Variants in ST6GALNAC3 observed in about 807,000 individuals in gnomAD.
ST6GALNAC3 encodes alpha-N-acetylgalactosaminide alpha-2,6-sialyltransferase 3.
In ST6GALNAC3, 25 loss-of-function variants were observed where a neutral mutation model predicts 32.7. The observed-to-expected ratio is 0.76, with a 90% CI of 0.56 to 1.07. The LOEUF (loss-of-function observed/expected upper bound fraction) is 1.07, where lower values mean the gene tolerates loss of function less well. ST6GALNAC3 is among the 50% of genes least tolerant of loss of function. The pLI, the probability that ST6GALNAC3 is intolerant of heterozygous loss-of-function variation, is 0.00. For missense variants in ST6GALNAC3, 355 were observed against 382.4 expected (o/e 0.93, Z 0.60); for synonymous variants, 129 against 133.1 (o/e 0.97, Z 0.21).
chr1:76,382,624 T>C (rs1331301853), intron 2 of ST6GALNAC3, among the ~76,000 whole-genome samples: 1 of 152,332 alleles, frequency 6.6e-6, no homozygotes, highest in African/African-American at 2.4e-5. Flanking sequence ...AGACCACTTC[T>C]GGTGCTGGTC....
intron 1 of ST6GALNAC3, among the ~76,000 whole-genome samples, chr1:76,106,464 G>A (rs1430875336): frequency 2.0e-5 from 3 of 152,130 alleles, no homozygotes; most frequent in Non-Finnish European, 2.9e-5. Context: ...CTTTGAGCTC[G>A]CTGAGGCAGT....
intron 2 of ST6GALNAC3, among the ~76,000 whole-genome samples, chr1:76,346,686 T>C (rs1221703352): frequency 6.6e-5 from 10 of 152,102 alleles, no homozygotes; most frequent in Non-Finnish European, 1.3e-4. Context: ...ATTCCTACGG[T>C]GCCACTACTT....
chr1:76,338,390 G>A (rs1212593222), intron 2 of ST6GALNAC3, among the ~76,000 whole-genome samples: 1 of 152,138 alleles, frequency 6.6e-6, no homozygotes, highest in African/African-American at 2.4e-5. Flanking sequence ...AGAATCCTGT[G>A]TTATAAATGA....
chr1:76,522,373 A>G (rs1662600050), intron 3 of ST6GALNAC3, among the ~76,000 whole-genome samples: 1 of 152,052 alleles, frequency 6.6e-6, no homozygotes, highest in African/African-American at 2.4e-5. Context: ...ATCTCTTCAA[A>G]TATAGTTTCT....
At chr1:76,137,307 G>A (rs1417805072) in intron 1 of ST6GALNAC3, among the ~76,000 whole-genome samples, 6 of 152,198 alleles carry the variant, frequency 3.9e-5, no homozygotes, top group Admixed American at 1.3e-4. Flanking sequence ...GCTGTTAGCC[G>A]TGCTATGGAT....
At chr1:76,248,708 C>T (rs1296230439) in intron 1 of ST6GALNAC3, among the ~76,000 whole-genome samples, 1 of 152,128 alleles carries the variant, frequency 6.6e-6, no homozygotes, top group African/African-American at 2.4e-5. Flanking sequence ...TGTCTTCTCT[C>T]CTTTTCCTTC....
intron 3 of ST6GALNAC3, among the ~76,000 whole-genome samples, chr1:76,483,755 G>A (rs1347331167): frequency 1.3e-5 from 2 of 152,132 alleles, no homozygotes; most frequent in Non-Finnish European, 2.9e-5. Flanking sequence ...TTTGGCTTTT[G>A]TTGCCATTGC....
intron 3 of ST6GALNAC3, among the ~76,000 whole-genome samples, chr1:76,546,265 G>C (rs911007229): frequency 6.6e-5 from 10 of 152,162 alleles, no homozygotes; most frequent in African/African-American, 2.2e-4. Flanking sequence ...TATTTGGAAG[G>C]TTGAGTATAT....
intron 3 of ST6GALNAC3, among the ~76,000 whole-genome samples, chr1:76,464,347 T>C (rs1008692007): frequency 6.6e-6 from 1 of 152,184 alleles, no homozygotes; most frequent in African/African-American, 2.4e-5. Context: ...CTCTATGAAA[T>C]TGATACTTGG....
intron 3 of ST6GALNAC3, among the ~76,000 whole-genome samples, chr1:76,545,174 A>G (rs1313777206): frequency 6.6e-6 from 1 of 152,162 alleles, no homozygotes; most frequent in East Asian, 1.9e-4. Flanking sequence ...ACACATCTGG[A>G]GATTCTGAAT....
intron 1 of ST6GALNAC3, among the ~76,000 whole-genome samples, chr1:76,232,255 C>A (rs764099806): frequency 5.3e-5 from 8 of 152,194 alleles, no homozygotes; most frequent in Non-Finnish European, 8.8e-5. Context: ...AGGAAGTATA[C>A]TTTTCCAGAG....
intron 1 of ST6GALNAC3, among the ~76,000 whole-genome samples, chr1:76,168,926 T>C (rs921364471): frequency 6.6e-6 from 1 of 152,172 alleles, no homozygotes; most frequent in Non-Finnish European, 1.5e-5. Context: ...TCAGTGTCTT[T>C]TACCTGGGGC....
At chr1:76,210,475 C>T (rs1414109604) in intron 1 of ST6GALNAC3, among the ~76,000 whole-genome samples, 1 of 152,146 alleles carries the variant, frequency 6.6e-6, no homozygotes, top group Non-Finnish European at 1.5e-5. Flanking sequence ...TATCTATTTG[C>T]CTGGACACCT....
chr1:76,322,747 C>T (rs1323164387), intron 2 of ST6GALNAC3, among the ~76,000 whole-genome samples: 1 of 145,164 alleles, frequency 6.9e-6, no homozygotes, highest in Non-Finnish European at 1.5e-5. Context: ...TCCACCACTG[C>T]CCCCCACCCC....
At chr1:76,294,916 C>T (rs1299932078) in intron 1 of ST6GALNAC3, among the ~76,000 whole-genome samples, 1 of 151,900 alleles carries the variant, frequency 6.6e-6, no homozygotes. Flanking sequence ...TTCAAATTTC[C>T]ATAATTTGTG....
chr1:76,383,772 G>T (rs927894340), intron 2 of ST6GALNAC3, among the ~76,000 whole-genome samples: 4 of 152,150 alleles, frequency 2.6e-5, no homozygotes, highest in African/African-American at 9.7e-5. Flanking sequence ...CAGGAGCAGG[G>T]TAAACTATTA....
intron 3 of ST6GALNAC3, among the ~76,000 whole-genome samples, chr1:76,552,244 G>A (rs1041196037): frequency 5.9e-5 from 9 of 152,106 alleles, no homozygotes; most frequent in Non-Finnish European, 1.3e-4. Flanking sequence ...ACTCTCTCAC[G>A]GCTAGGATTG....
chr1:76,365,788 CCT>C (rs1276111889), intron 2 of ST6GALNAC3, among the ~76,000 whole-genome samples: 1 of 152,094 alleles, frequency 6.6e-6, no homozygotes, highest in Non-Finnish European at 1.5e-5. Context: ...AGTCATTTAC[CCT>C]GTCTCTAATT....
rs182525936 is a variant in ST6GALNAC3 at position 76,441,067 on chromosome 1, G to A, written c.623+28650G>A. ...CATGCCACTGCACTCCAGCCTGGGCGACAGAGTGAGACTATGTCTCCAAAA... is the reference window on the plus strand; with the variant it reads ...CATGCCACTGCACTCCAGCCTGGGCAACAGAGTGAGACTATGTCTCCAAAA... On this transcript the variant is annotated intron_variant, in intron 3 of 4. Coordinates refer to ENST00000328299, the MANE Select transcript of ST6GALNAC3 (RefSeq NM_152996.4). Among the ~76,000 whole-genome samples the A allele has an allele frequency of 6.8e-3, 892 of 131,130 alleles. 15 individuals carry two copies. Among genetic ancestry groups the A allele is most frequent in the African/African-American group, 0.025 (846 of 34,504 alleles). 86.0% of individuals were successfully genotyped at this position (131,130 alleles called of 152,430 possible). A position where few individuals can be genotyped will look rare whatever the true frequency, so the allele number is the denominator to read the frequency against.
Sources: gnomAD v4.1 joint callset for allele counts (sites outside exome capture counted in the v4.1 genomes callset) on GRCh38, gnomAD v4.1.1 for gene constraint, MANE v1.5 for transcripts, NCBI Gene and HGNC (gene_info 2026-07-23, HGNC 2026-07-21) for gene names.